DHX8: variants seen among roughly 807,000 people sequenced by gnomAD.
DHX8 encodes the protein DEAH-box helicase 8, also known as ATP-dependent RNA helicase DHX8.
DHX8 carries 67 observed loss-of-function variants against 140.7 expected under a neutral mutation model. The ratio of observed to expected loss-of-function variants is 0.48; its 90% CI spans 0.39 to 0.58. DHX8 has a LOEUF of 0.58. Among genes scored for constraint, DHX8 ranks in the 20% least tolerant of loss-of-function variants. DHX8 has a pLI of 0.00. For synonymous variants in DHX8, 533 were observed against 553.2 expected (o/e 0.96, Z 0.51); for missense variants, 887 against 1,550.7 (o/e 0.57, Z 7.19).
At chr17:43,511,456 A>ATCTTTTTTTTTTTTTTT (rs1969821567) in intron 16 of DHX8, among the ~76,000 whole-genome samples, 2 of 56,790 alleles carry the variant, frequency 3.5e-5, no homozygotes, top group Non-Finnish European at 2.9e-5. Flanking sequence ...TGATCCCAGC[A>ATCTTTTTTTTTTTTTTT]TTTTTTTTTT....
At chr17:43,533,254 G>A (rs759220792) in intron 2 of DHX8, 32 of 1,613,840 alleles carry the variant, frequency 2.0e-5, no homozygotes, top group Admixed American at 1.7e-5. Context: ...AGGAAATTCC[G>A]TTGCTCTGCC....
chr17:43,504,332 TG>T (rs1019774212), intron 11 of DHX8, among the ~76,000 whole-genome samples: 73 of 152,180 alleles, frequency 4.8e-4, no homozygotes, highest in African/African-American at 1.7e-3. Context: ...CACTCCCACT[TG>T]GATGACAGAG....
At chr17:43,532,939 G>A (rs1267141946) in intron 2 of DHX8, 2 of 1,564,368 alleles carry the variant, frequency 1.3e-6, no homozygotes, top group East Asian at 4.5e-5. Context: ...GGAAGACGGA[G>A]CTGGATGTGG....
chr17:43,519,856 G>C, intron 18 of DHX8: 1 of 273,902 alleles, frequency 3.7e-6, no homozygotes, highest in South Asian at 5.1e-5. Flanking sequence ...CAGAAGAATC[G>C]CTTGAACGTA....
At chr17:43,539,723 C>A (rs896377429) in intron 3 of DHX8, among the ~76,000 whole-genome samples, 6 of 152,210 alleles carry the variant, frequency 3.9e-5, no homozygotes, top group Admixed American at 6.5e-5. Context: ...CCCTTCCCTG[C>A]AGGCTCCCCC....
chr17:43,484,323 C>T, intron 1 of DHX8, 138 bp downstream of exon 1: 1 of 1,040,124 alleles, frequency 9.6e-7, no homozygotes, highest in Non-Finnish European at 1.4e-6. Flanking sequence ...ACACCGGTGC[C>T]CAGGGTACAC....
At chr17:43,527,968 C>G (rs1254514833), downstream of DHX8, 1 of 233,526 alleles carries the variant, frequency 4.3e-6, no homozygotes, top group East Asian at 6.0e-5. Flanking sequence ...AGGAACCCAT[C>G]CCTCTCTGCT....
intron 11 of DHX8, among the ~76,000 whole-genome samples, chr17:43,503,523 T>G (rs9901586): frequency 0.24 from 36,393 of 149,250 alleles, 4,466 homozygotes; most frequent in Middle Eastern, 0.33. Context: ...AGTTTAGCCG[T>G]GTGTAATCAC....
chr17:43,490,734 C>A (rs562063446), intron 3 of DHX8, among the ~76,000 whole-genome samples: 1 of 152,176 alleles, frequency 6.6e-6, no homozygotes, highest in Admixed American at 6.5e-5. Flanking sequence ...ATTAGCCAGG[C>A]ATGATGGCGT....
rs937437661 is a variant in DHX8, at chr17:43,525,439, A to G, written c.*1592A>G. On this transcript the variant is annotated 3_prime_UTR_variant, in exon 23 of 23. Coordinates refer to ENST00000262415, the MANE Select transcript of DHX8 (RefSeq NM_004941.3). The stretch of plus-strand genomic sequence containing the variant: ...ATAGGCCAGGCAATCTGCTGGCTGC[A>G]GATCCCTGCCCCTTCATTAAGCTGA... 2.0e-6 allele frequency: 2 copies of G among 984,274 alleles called. No individual in the cohort carries two copies. Among genetic ancestry groups the G allele is most frequent in the East Asian group, 1.1e-4 (1 of 8,802 alleles). 61.0% of individuals were successfully genotyped at this position (984,274 alleles called of 1,614,324 possible).
At chr17:43,501,677 G>T (rs1388663509) in intron 11 of DHX8, among the ~76,000 whole-genome samples, 1 of 152,074 alleles carries the variant, frequency 6.6e-6, no homozygotes, top group African/African-American at 2.4e-5. Flanking sequence ...TAGAGACGAG[G>T]TTCCTCCATG....
downstream of DHX8, chr17:43,530,240 GA>G (rs1970841682): frequency 6.4e-7 from 1 of 1,550,910 alleles, no homozygotes; most frequent in Middle Eastern, 1.7e-4. Context: ...GAGGGCAGGG[GA>G]GGAGGAAGTC....
At chr17:43,508,072 G>A in intron 15 of DHX8, 53 bp downstream of exon 15, 1 of 1,553,410 alleles carries the variant, frequency 6.4e-7, no homozygotes, top group Non-Finnish European at 8.8e-7. Context: ...TCCCTCTTAG[G>A]CCAAAAGTCC....
intron 8 of DHX8, among the ~76,000 whole-genome samples, chr17:43,494,652 C>T (rs1968743477): frequency 2.1e-5 from 3 of 140,318 alleles, no homozygotes; most frequent in Admixed American, 7.4e-5. Flanking sequence ...ACCCGGGAGG[C>T]GGAGGTTACA....
At chr17:43,529,202 G>C, downstream of DHX8, 1 of 1,613,968 alleles carries the variant, frequency 6.2e-7, no homozygotes. Flanking sequence ...ATTCATGGCT[G>C]GCCGGTTCTT....
intron 13 of DHX8, 76 bp downstream of exon 13, chr17:43,507,273 TTAA>T: frequency 6.9e-7 from 1 of 1,458,370 alleles, no homozygotes; most frequent in Non-Finnish European, 9.3e-7. Context: ...AATGGAAATA[TTAA>T]TAATACTGCC....
chr17:43,493,804 G>C lies in DHX8; in HGVS notation c.1130G>C (p.Ser377Thr). 1.2e-6 allele frequency: 2 copies of C among 1,614,222 alleles called. No homozygotes were observed. The highest frequency in any genetic ancestry group is 1.7e-6 in the Non-Finnish European group (2 of 1,180,054). ...AGACCCACTCACTTGTCCCTTGTCA[G>C]TGCTCCTGAAGTAGAGGACGACTCA... The part of the protein sequence containing the change: ...PDRPTHLSLV[S>T]APEVEDDSLE... The change falls in exon 8 of 23, where the codon AGT (serine) becomes ACT (threonine). Residue 377 changes from serine to threonine, a missense_variant. This residue lies in a region of DHX8 where 98 missense variants were observed against 152.7 expected (regional missense o/e 0.64). Transcript: ENST00000262415.
chr17:43,489,593 G>GTT, intron 2 of DHX8, 59 bp downstream of exon 2: 1 of 1,301,268 alleles, frequency 7.7e-7, no homozygotes, highest in Non-Finnish European at 1.1e-6. Context: ...ATGTTTGTTT[G>GTT]TTTGTTTTTT....
intron 17 of DHX8, 47 bp from the exon 18 acceptor site, chr17:43,517,120 A>G: frequency 6.4e-7 from 1 of 1,557,808 alleles, no homozygotes; most frequent in Non-Finnish European, 8.7e-7. Flanking sequence ...TAAAGCTGTT[A>G]AGCAGTGTTT....
Sources: allele counts gnomAD v4.1 joint callset (sites outside exome capture counted in the v4.1 genomes callset), GRCh38; gene constraint gnomAD v4.1.1; regional missense constraint gnomAD v4.1.1; transcripts MANE v1.5; gene names NCBI Gene and HGNC (gene_info 2026-07-23, HGNC 2026-07-21).